The following CA10 variants were observed in gnomAD, a reference collection of about 807,000 sequenced individuals.
CA10 encodes carbonic anhydrase-related protein 10.
In CA10, 14 loss-of-function variants were observed where a neutral mutation model predicts 44.2. That is an observed-to-expected ratio of 0.32 (90% CI 0.21 to 0.50). CA10 has a LOEUF of 0.50. CA10 is among the 20% of genes least tolerant of loss of function. CA10 has a pLI of 0.99. For missense variants in CA10, 350 were observed against 409.7 expected, an observed-to-expected ratio of 0.85 and a Z score of 1.26; for synonymous variants, 159 against 141.6, an observed-to-expected ratio of 1.12 and a Z score of -0.87.
chr17:51,969,889 C>A (rs1984218423), intron 2 of CA10, among the ~76,000 whole-genome samples: 2 of 152,044 alleles, frequency 1.3e-5, no homozygotes, highest in African/African-American at 4.8e-5. Flanking sequence ...ACTACCCTTT[C>A]TGCCCCTTAA....
chr17:52,042,254 TTTG>T (rs2144193170), intron 2 of CA10, among the ~76,000 whole-genome samples: 1 of 152,140 alleles, frequency 6.6e-6, no homozygotes, highest in South Asian at 2.1e-4. Flanking sequence ...CTCACCAACG[TTTG>T]TTATCTCTTG....
At chr17:51,825,372 C>T (rs2143772066) in intron 3 of CA10, among the ~76,000 whole-genome samples, 1 of 152,130 alleles carries the variant, frequency 6.6e-6, no homozygotes, top group Middle Eastern at 3.4e-3. Context: ...AGAATATACT[C>T]TTTACCAGGC....
At chr17:51,831,732 G>GCGGC (rs1567854679) in intron 3 of CA10, among the ~76,000 whole-genome samples, 1 of 145,928 alleles carries the variant, frequency 6.9e-6, no homozygotes, top group Non-Finnish European at 1.5e-5. Context: ...AGCAGCAGCA[G>GCGGC]AAAAAGACCT....
At chr17:51,857,827 C>T (rs1240759327) in intron 3 of CA10, among the ~76,000 whole-genome samples, 1 of 152,116 alleles carries the variant, frequency 6.6e-6, no homozygotes, top group Non-Finnish European at 1.5e-5. Context: ...TCTGCAGGAA[C>T]AAGTAAAACA....
chr17:51,779,664 TCTATGTC>T (rs1184660373), intron 3 of CA10, among the ~76,000 whole-genome samples: 1 of 152,200 alleles, frequency 6.6e-6, no homozygotes, highest in African/African-American at 2.4e-5. Context: ...GAGTCAGACT[TCTATGTC>T]GGGATTCCCA....
intron 2 of CA10, among the ~76,000 whole-genome samples, chr17:51,979,236 T>C (rs778465177): frequency 1.1e-4 from 17 of 152,252 alleles, no homozygotes; most frequent in South Asian, 6.2e-4. Flanking sequence ...AATAAGCCTG[T>C]AACAGATAGA....
intron 1 of CA10, among the ~76,000 whole-genome samples, chr17:52,147,163 T>C (rs1437731097): frequency 1.3e-5 from 2 of 152,212 alleles, no homozygotes; most frequent in East Asian, 3.8e-4. Flanking sequence ...AGTTTCAAAA[T>C]TTAGTAAACA....
intron 2 of CA10, among the ~76,000 whole-genome samples, chr17:51,942,866 T>C (rs555405613): frequency 7.9e-5 from 12 of 152,210 alleles, no homozygotes; most frequent in Non-Finnish European, 1.3e-4. Flanking sequence ...GCTACCACCA[T>C]GTTGCCAGTT....
chr17:52,055,970 G>A (rs1987218304), intron 2 of CA10, among the ~76,000 whole-genome samples: 1 of 152,052 alleles, frequency 6.6e-6, no homozygotes, highest in Non-Finnish European at 1.5e-5. Context: ...CCAAATTCTT[G>A]GAATATGAGG....
intron 3 of CA10, among the ~76,000 whole-genome samples, chr17:51,889,533 A>C (rs186428592): frequency 2.0e-3 from 308 of 152,264 alleles, no homozygotes; most frequent in Non-Finnish European, 3.1e-3. Context: ...AAAATAAAAT[A>C]AAACCAAACC....
Position 51,717,110 on chromosome 17 carries a change from G to A in CA10, c.465+30523C>T, listed in dbSNP as rs143993976. ...ACCCTTGTAATTTCCTGAGTGATAG[G>A]AGTGCTAGGGGAATTTTTTTGTTCT... On this transcript the variant is annotated intron_variant, in intron 4 of 8. Coordinates refer to ENST00000451037, the MANE Select transcript of CA10 (RefSeq NM_020178.5). 1.1e-4 allele frequency among the ~76,000 whole-genome samples: 16 copies of A among 152,272 alleles called. No individual in the cohort carries two copies. The East Asian group carries it at 1.9e-3, about 18-fold the overall frequency.
chr17:51,872,159 T>C (rs1199045667), intron 3 of CA10, among the ~76,000 whole-genome samples: 4 of 152,226 alleles, frequency 2.6e-5, no homozygotes, highest in African/African-American at 9.6e-5. Context: ...GGAGAATTTC[T>C]GCAGTGCCTG....
At chr17:52,101,468 A>G (rs1226456568) in intron 1 of CA10, among the ~76,000 whole-genome samples, 1 of 152,212 alleles carries the variant, frequency 6.6e-6, no homozygotes, top group Non-Finnish European at 1.5e-5. Context: ...AAGAATTATT[A>G]AATGGATCCC....
intron 3 of CA10, among the ~76,000 whole-genome samples, chr17:51,755,173 C>A (rs1001094710): frequency 6.6e-6 from 1 of 152,132 alleles, no homozygotes; most frequent in African/African-American, 2.4e-5. Context: ...TGTTAAAGAA[C>A]AAGGCAGGTT....
chr17:52,020,769 AG>A, intron 2 of CA10, among the ~76,000 whole-genome samples: 1 of 152,140 alleles, frequency 6.6e-6, no homozygotes, highest in Admixed American at 6.5e-5. Context: ...TAGTAAACAT[AG>A]TACCCAATAA....
At chr17:51,742,713 T>G (rs1159694174) in intron 4 of CA10, among the ~76,000 whole-genome samples, 1 of 152,210 alleles carries the variant, frequency 6.6e-6, no homozygotes, top group Non-Finnish European at 1.5e-5. Context: ...CCCCTTTTAA[T>G]GAAACACATC....
rs146247285 is a variant in CA10, at chr17:51,704,820, G to T, written c.465+42813C>A. Among the ~76,000 whole-genome samples, 1,106 of 152,094 alleles carry T rather than the reference G, an allele frequency of 7.3e-3. 10 individuals are homozygous for T. Among genetic ancestry groups the T allele is most frequent in the Non-Finnish European group, 0.011 (766 of 67,966 alleles). ...TCTGCTAAAAATACAAAAATTAGCC[G>T]GGTGTGATGGCATGCACCTGTAATC... is the stretch of plus-strand genomic sequence containing the variant. On this transcript the variant is annotated intron_variant, in intron 4 of 8. Transcript: ENST00000451037.
At chr17:52,033,530 A>G (rs1986529186) in intron 2 of CA10, among the ~76,000 whole-genome samples, 1 of 152,230 alleles carries the variant, frequency 6.6e-6, no homozygotes, top group Non-Finnish European at 1.5e-5. Flanking sequence ...GCAGAATGGA[A>G]AAATAAATTG....
chr17:51,749,924 C>A (rs1419473966), intron 3 of CA10, among the ~76,000 whole-genome samples: 1 of 152,176 alleles, frequency 6.6e-6, no homozygotes. Context: ...ATATTCTACA[C>A]CTTACCAATA....
Sources: gnomAD v4.1 joint callset for allele counts (sites outside exome capture counted in the v4.1 genomes callset) on GRCh38, gnomAD v4.1.1 for gene constraint, MANE v1.5 for transcripts, NCBI Gene and HGNC (gene_info 2026-07-23, HGNC 2026-07-21) for gene names.